Variants in SLC39A11 observed in about 807,000 individuals in gnomAD.
The protein encoded by SLC39A11 is solute carrier family 39 member 11, also known as zinc transporter ZIP11.
SLC39A11 carries 33 observed loss-of-function variants against 36.1 expected under a neutral mutation model. The observed-to-expected ratio is 0.91, with a 90% CI of 0.69 to 1.22. SLC39A11 has a LOEUF of 1.22. SLC39A11 is among the 50% of genes most tolerant of loss of function. The probability of loss-of-function intolerance (pLI) is 0.00; values close to 1 mark genes in which losing one functional copy is unlikely to be tolerated. For missense variants in SLC39A11, 432 were observed against 430.3 expected (o/e 1.00, Z -0.03); for synonymous variants, 166 against 170.3 (o/e 0.97, Z 0.20).
chr17:73,060,859 T>C (rs1440696192), intron 3 of SLC39A11, among the ~76,000 whole-genome samples: 1 of 152,190 alleles, frequency 6.6e-6, no homozygotes, highest in Non-Finnish European at 1.5e-5. Context: ...TAAATTTCCT[T>C]GTCAATTGTG....
At chr17:72,967,399 A>AGAGAGTGTGT (rs143987646) in intron 4 of SLC39A11, among the ~76,000 whole-genome samples, 6 of 138,198 alleles carry the variant, frequency 4.3e-5, no homozygotes, top group South Asian at 4.7e-4. Context: ...AGAGAGAGAG[A>AGAGAGTGTGT]GTGTGTGTGT....
intron 6 of SLC39A11, among the ~76,000 whole-genome samples, chr17:72,765,208 T>G (rs1259351986): frequency 6.6e-6 from 1 of 152,194 alleles, no homozygotes; most frequent in South Asian, 2.1e-4. Flanking sequence ...GACTGGCCTT[T>G]TGAGGTGTCT....
intron 6 of SLC39A11, among the ~76,000 whole-genome samples, chr17:72,782,212 T>C (rs913303235): frequency 6.6e-6 from 1 of 151,664 alleles, no homozygotes; most frequent in South Asian, 2.1e-4. Context: ...GAGACTGGAG[T>C]GATGCAGCTA....
chr17:72,798,004 C>G (rs2076951071), intron 6 of SLC39A11, among the ~76,000 whole-genome samples: 1 of 152,058 alleles, frequency 6.6e-6, no homozygotes, highest in Non-Finnish European at 1.5e-5. Flanking sequence ...GGAGAAAGGA[C>G]AGACGTGACC....
intron 4 of SLC39A11, among the ~76,000 whole-genome samples, chr17:72,990,075 A>C (rs1390939756): frequency 6.6e-6 from 1 of 152,212 alleles, no homozygotes; most frequent in Non-Finnish European, 1.5e-5. Context: ...ATAACATCAA[A>C]AATATTCCAT....
At chr17:72,927,956 TGGGTTAATAAA>T (rs370104480) in intron 5 of SLC39A11, among the ~76,000 whole-genome samples, 92 of 152,084 alleles carry the variant, frequency 6.0e-4, no homozygotes, top group African/African-American at 2.0e-3. Flanking sequence ...CCAAAGTACA[TGGGTTAATAAA>T]GGGTTAATAA....
At chr17:73,015,348 T>G (rs1394973704) in intron 4 of SLC39A11, among the ~76,000 whole-genome samples, 1 of 152,178 alleles carries the variant, frequency 6.6e-6, no homozygotes, top group Non-Finnish European at 1.5e-5. Flanking sequence ...ATTATTCTAT[T>G]ATCTGGTGCC....
chr17:72,991,506 C>T (rs537910036), intron 4 of SLC39A11, among the ~76,000 whole-genome samples: 3 of 152,096 alleles, frequency 2.0e-5, no homozygotes, highest in East Asian at 1.9e-4. Context: ...TACAGGCCCA[C>T]GCCACCACAC....
intron 3 of SLC39A11, among the ~76,000 whole-genome samples, chr17:73,035,012 C>A (rs972861495): frequency 6.6e-6 from 1 of 152,196 alleles, no homozygotes; most frequent in Non-Finnish European, 1.5e-5. Flanking sequence ...TCCTTCATTT[C>A]TTTTCCTTGT....
intron 2 of SLC39A11, among the ~76,000 whole-genome samples, chr17:73,087,279 G>A (rs1301437228): frequency 6.6e-6 from 1 of 152,112 alleles, no homozygotes; most frequent in Non-Finnish European, 1.5e-5. Flanking sequence ...GCTCCCGGGG[G>A]CAGTGCAGCG....
At chr17:72,739,083 G>C (rs2074558735) in intron 6 of SLC39A11, among the ~76,000 whole-genome samples, 1 of 151,758 alleles carries the variant, frequency 6.6e-6, no homozygotes, top group Non-Finnish European at 1.5e-5. Flanking sequence ...GCGGGGTCCT[G>C]ATGGGATAGC....
intron 5 of SLC39A11, among the ~76,000 whole-genome samples, chr17:72,858,201 C>T (rs1379662138): frequency 6.6e-6 from 1 of 152,092 alleles, no homozygotes; most frequent in Non-Finnish European, 1.5e-5. Flanking sequence ...TATGGCTAGC[C>T]AGTTATCTAA....
At chr17:73,012,714 T>A (rs1234050275) in intron 4 of SLC39A11, among the ~76,000 whole-genome samples, 5 of 152,056 alleles carry the variant, frequency 3.3e-5, no homozygotes, top group African/African-American at 1.2e-4. Context: ...TCTCTAGTAG[T>A]CCCCAGTGAC....
At chr17:73,058,397 G>A (rs982140205) in intron 3 of SLC39A11, among the ~76,000 whole-genome samples, 1 of 152,188 alleles carries the variant, frequency 6.6e-6, no homozygotes, top group African/African-American at 2.4e-5. Flanking sequence ...TGGGCCAGCT[G>A]GGGTGGCCTT....
chr17:72,685,351 G>A (rs1157872211), intron 7 of SLC39A11, among the ~76,000 whole-genome samples: 1 of 152,284 alleles, frequency 6.6e-6, no homozygotes, highest in African/African-American at 2.4e-5. Context: ...AACTGAAATT[G>A]AGATCTGAAG....
At chr17:72,673,354 C>T (rs537772562) in intron 7 of SLC39A11, among the ~76,000 whole-genome samples, 4 of 152,138 alleles carry the variant, frequency 2.6e-5, no homozygotes, top group Admixed American at 1.3e-4. Flanking sequence ...CTGCCCACCT[C>T]GGCCTCCCAA....
chr17:72,766,578 G>A lies in SLC39A11; in HGVS notation c.602-29859C>T, dbSNP rs536733870. On this transcript the variant is annotated intron_variant, in intron 6 of 9. Coordinates refer to ENST00000255559, the MANE Select transcript of SLC39A11 (RefSeq NM_139177.4). Reference sequence around the variant, plus strand: ...CTACTTATCACTGCTTCTTCTGCTAGTGGCTCTTTCTCTCTCCTTTCTGCC... The same window carrying A: ...CTACTTATCACTGCTTCTTCTGCTAATGGCTCTTTCTCTCTCCTTTCTGCC... Among the ~76,000 whole-genome samples the A allele has an allele frequency of 4.6e-5, 7 of 152,296 alleles. No individual in the cohort carries two copies. The East Asian group carries it at 7.7e-4, about 17-fold the overall frequency.
chr17:73,088,789 G>T lies in SLC39A11; in HGVS notation c.-11-14C>A. On this transcript the variant is annotated splice_polypyrimidine_tract_variant and intron_variant, in intron 1 of 9. Coordinates refer to ENST00000255559, the MANE Select transcript of SLC39A11 (RefSeq NM_139177.4). ...TGCTGGATACAGCTGTGCAAGAGGA[G>T]CGAGAGGGTCAGCCACCGGTGGTCC... 6.4e-7 allele frequency: 1 copy of T among 1,566,964 alleles called. No homozygotes were observed. The highest frequency in any genetic ancestry group is 8.7e-7 in the Non-Finnish European group (1 of 1,152,100).
At chr17:73,044,657 T>A (rs1028978078) in intron 3 of SLC39A11, among the ~76,000 whole-genome samples, 1 of 152,070 alleles carries the variant, frequency 6.6e-6, no homozygotes, top group Non-Finnish European at 1.5e-5. Flanking sequence ...GTGGATCACT[T>A]GAGGCCAGGA....
Sources: gnomAD v4.1 joint callset for allele counts (sites outside exome capture counted in the v4.1 genomes callset) on GRCh38, gnomAD v4.1.1 for gene constraint, MANE v1.5 for transcripts, NCBI Gene and HGNC (gene_info 2026-07-23, HGNC 2026-07-21) for gene names.